SLC24A3: variants seen among roughly 807,000 people sequenced by gnomAD.
SLC24A3 encodes solute carrier family 24 member 3.
SLC24A3 carries 28 observed loss-of-function variants against 75.8 expected under a neutral mutation model. That is an observed-to-expected ratio of 0.37 (90% CI 0.27 to 0.51). The LOEUF is 0.51. Among genes scored for constraint, SLC24A3 ranks in the 20% least tolerant of loss-of-function variants. SLC24A3 has a pLI of 0.94. For synonymous variants in SLC24A3, 372 were observed against 334.1 expected (o/e 1.11, Z -1.24); for missense variants, 663 against 847.8 (o/e 0.78, Z 2.71).
intron 2 of SLC24A3, among the ~76,000 whole-genome samples, chr20:19,375,503 C>T (rs1986069095): frequency 6.6e-6 from 1 of 152,194 alleles, no homozygotes; most frequent in Non-Finnish European, 1.5e-5. Context: ...AGTGTCAGAG[C>T]TGCTGGCCTG....
rs546184362 is a variant in SLC24A3 at position 19,491,400 on chromosome 20, C to T, written c.272-24088C>T. 3.3e-5 allele frequency among the ~76,000 whole-genome samples: 5 copies of T among 152,340 alleles called. No homozygotes were observed. The South Asian group carries it at 8.3e-4, about 25-fold the overall frequency. On this transcript the variant is annotated intron_variant, in intron 2 of 16. Coordinates refer to ENST00000328041, the MANE Select transcript of SLC24A3 (RefSeq NM_020689.4). ...GTTCCCTAGCACCAATCTGTGTTGT[C>T]TGCTGTGTTCCTGAGTTGGTTGAAC...
At chr20:19,216,274 T>G (rs1427377893) in intron 1 of SLC24A3, among the ~76,000 whole-genome samples, 2 of 142,908 alleles carry the variant, frequency 1.4e-5, no homozygotes, top group Non-Finnish European at 3.0e-5. Flanking sequence ...ATATTTTTCT[T>G]TGACATGAAC....
chr20:19,493,706 A>G (rs1056082572), intron 2 of SLC24A3, among the ~76,000 whole-genome samples: 3 of 152,096 alleles, frequency 2.0e-5, no homozygotes, highest in Non-Finnish European at 4.4e-5. Context: ...CTGGAGGGTA[A>G]GAATCTTAGT....
chr20:19,477,385 G>T (rs1327114712), intron 2 of SLC24A3, among the ~76,000 whole-genome samples: 1 of 152,232 alleles, frequency 6.6e-6, no homozygotes, highest in Non-Finnish European at 1.5e-5. Context: ...AAAGAGGCAG[G>T]TGTTTGCAAC....
chr20:19,370,658 C>G (rs1308858950), intron 2 of SLC24A3, among the ~76,000 whole-genome samples: 1 of 152,238 alleles, frequency 6.6e-6, no homozygotes, highest in Admixed American at 6.5e-5. Flanking sequence ...CTTCTAAACA[C>G]TGTAATCCCT....
intron 1 of SLC24A3, among the ~76,000 whole-genome samples, chr20:19,255,424 C>T (rs768786372): frequency 7.2e-5 from 11 of 152,286 alleles, no homozygotes; most frequent in South Asian, 2.1e-4. Flanking sequence ...TTTGGAGTGT[C>T]GTTGAGAGAG....
intron 3 of SLC24A3, among the ~76,000 whole-genome samples, chr20:19,531,911 C>G (rs1293195548): frequency 6.6e-6 from 1 of 152,010 alleles, no homozygotes; most frequent in Non-Finnish European, 1.5e-5. Context: ...AAATGAGTTG[C>G]CCCCCCATGA....
chr20:19,533,564 G>A (rs1394496708), intron 3 of SLC24A3, among the ~76,000 whole-genome samples: 2 of 147,588 alleles, frequency 1.4e-5, no homozygotes, highest in African/African-American at 5.0e-5. Flanking sequence ...CCCAGGCAGC[G>A]AGACACTATG....
intron 2 of SLC24A3, among the ~76,000 whole-genome samples, chr20:19,488,909 G>C (rs1278420766): frequency 6.6e-6 from 1 of 152,170 alleles, no homozygotes; most frequent in Non-Finnish European, 1.5e-5. Context: ...CACCAATGTG[G>C]CATTATGTCA....
intron 12 of SLC24A3, among the ~76,000 whole-genome samples, chr20:19,688,126 C>T (rs893083485): frequency 3.3e-5 from 5 of 152,260 alleles, no homozygotes; most frequent in African/African-American, 9.6e-5. Context: ...CTCTAGCAGC[C>T]CTTCTCACCA....
intron 2 of SLC24A3, among the ~76,000 whole-genome samples, chr20:19,402,286 G>C (rs570887223): frequency 6.6e-6 from 1 of 152,176 alleles, no homozygotes; most frequent in East Asian, 1.9e-4. Flanking sequence ...TACGAAAGCA[G>C]ATTTGCTTAG....
chr20:19,621,496 C>T (rs143634917), intron 6 of SLC24A3, among the ~76,000 whole-genome samples: 10 of 152,346 alleles, frequency 6.6e-5, no homozygotes, highest in Admixed American at 3.3e-4. Context: ...TGTGTTGGTT[C>T]TCATCCCCTC....
intron 2 of SLC24A3, among the ~76,000 whole-genome samples, chr20:19,349,434 C>T (rs900273110): frequency 6.6e-6 from 1 of 152,188 alleles, no homozygotes; most frequent in Non-Finnish European, 1.5e-5. Context: ...TTGCCTGAAC[C>T]TGAATCTCTT....
intron 2 of SLC24A3, among the ~76,000 whole-genome samples, chr20:19,392,731 T>C (rs1986388421): frequency 6.6e-6 from 1 of 152,214 alleles, no homozygotes; most frequent in South Asian, 2.1e-4. Context: ...TGAAAGTGTA[T>C]CAACCATTGA....
intron 6 of SLC24A3, among the ~76,000 whole-genome samples, chr20:19,595,006 T>C (rs1160647110): frequency 6.6e-6 from 1 of 152,190 alleles, no homozygotes; most frequent in Non-Finnish European, 1.5e-5. Context: ...GTTTTGAACA[T>C]GAGTCACTCT....
intron 1 of SLC24A3, among the ~76,000 whole-genome samples, chr20:19,273,239 C>T (rs190127053): frequency 5.0e-4 from 76 of 152,256 alleles, no homozygotes; most frequent in African/African-American, 1.3e-3. Context: ...GGTGTCATGT[C>T]GGACAGGAAG....
intron 2 of SLC24A3, among the ~76,000 whole-genome samples, chr20:19,355,708 T>C (rs74857014): frequency 6.6e-6 from 1 of 152,220 alleles, no homozygotes; most frequent in African/African-American, 2.4e-5. Flanking sequence ...GGTGAAGGAA[T>C]GTATATGCTT....
At chr20:19,598,250 A>G (rs886102199) in intron 6 of SLC24A3, among the ~76,000 whole-genome samples, 1 of 152,142 alleles carries the variant, frequency 6.6e-6, no homozygotes, top group Non-Finnish European at 1.5e-5. Context: ...TGCAGGGGAA[A>G]TCTCACTCTG....
intron 7 of SLC24A3, among the ~76,000 whole-genome samples, chr20:19,655,107 A>C (rs1421619812): frequency 1.3e-5 from 2 of 152,192 alleles, no homozygotes; most frequent in Admixed American, 6.5e-5. Context: ...TCAGGTTACC[A>C]CAATCTGTCC....
Sources: gnomAD v4.1 joint callset for allele counts (sites outside exome capture counted in the v4.1 genomes callset) on GRCh38, gnomAD v4.1.1 for gene constraint, MANE v1.5 for transcripts, NCBI Gene and HGNC (gene_info 2026-07-23, HGNC 2026-07-21) for gene names.